ALK: variants seen among roughly 807,000 people sequenced by gnomAD.
ALK encodes ALK receptor tyrosine kinase, also known as ALK tyrosine kinase receptor.
ALK carries 74 observed loss-of-function variants against 163.1 expected under a neutral mutation model. That is an observed-to-expected ratio of 0.45 (90% CI 0.38 to 0.55). The LOEUF is 0.55. ALK is among the 20% of genes least tolerant of loss of function. ALK has a pLI of 0.00. For synonymous variants in ALK, 960 were observed against 843.2 expected (o/e 1.14, Z -2.40); for missense variants, 2,063 against 2,105.3 (o/e 0.98, Z 0.39).
intron 1 of ALK, among the ~76,000 whole-genome samples, chr2:29,852,743 T>G (rs986551329): frequency 3.3e-5 from 5 of 152,066 alleles, no homozygotes; most frequent in Non-Finnish European, 7.3e-5. Context: ...TATTTGGAAG[T>G]GAGACCTTTG....
At chr2:29,198,136 A>AT (rs1332958329) in intron 26 of ALK, among the ~76,000 whole-genome samples, 1 of 152,140 alleles carries the variant, frequency 6.6e-6, no homozygotes, top group Non-Finnish European at 1.5e-5. Flanking sequence ...ATCTTTGTGC[A>AT]TTTTTTAAAA....
intron 5 of ALK, among the ~76,000 whole-genome samples, chr2:29,361,182 G>T (rs1668380362): frequency 6.6e-6 from 1 of 152,242 alleles, no homozygotes; most frequent in Admixed American, 6.5e-5. Flanking sequence ...GTGCTATTAG[G>T]AGTGGTGACA....
At chr2:29,514,408 C>A (rs987787812) in intron 4 of ALK, among the ~76,000 whole-genome samples, 2 of 151,656 alleles carry the variant, frequency 1.3e-5, no homozygotes. Flanking sequence ...GAACAAAAAA[C>A]CAAACACCGC....
chr2:29,788,404 G>C (rs1664098577), intron 1 of ALK, among the ~76,000 whole-genome samples: 1 of 152,192 alleles, frequency 6.6e-6, no homozygotes, highest in Non-Finnish European at 1.5e-5. Context: ...GATCCCAACA[G>C]CCTGCTGTGG....
intron 1 of ALK, among the ~76,000 whole-genome samples, chr2:29,764,216 G>A (rs1680794143): frequency 6.6e-6 from 1 of 152,174 alleles, no homozygotes; most frequent in African/African-American, 2.4e-5. Context: ...GCCCTGGGTT[G>A]ACTGCAGGGC....
At chr2:29,220,357 C>G (rs1669767788) in intron 23 of ALK, among the ~76,000 whole-genome samples, 1 of 152,164 alleles carries the variant, frequency 6.6e-6, no homozygotes, top group South Asian at 2.1e-4. Context: ...TTCCTGAGGC[C>G]TCCCCAACCA....
chr2:29,568,874 C>T (rs1204774173), intron 3 of ALK, among the ~76,000 whole-genome samples: 2 of 152,130 alleles, frequency 1.3e-5, no homozygotes, highest in African/African-American at 4.8e-5. Context: ...TGGGCAATGA[C>T]AGCACTTTGA....
intron 4 of ALK, among the ~76,000 whole-genome samples, chr2:29,416,237 C>T (rs1354381532): frequency 6.6e-6 from 1 of 152,216 alleles, no homozygotes; most frequent in Non-Finnish European, 1.5e-5. Flanking sequence ...GTTGGATGGG[C>T]ACAGAGACAT....
intron 1 of ALK, among the ~76,000 whole-genome samples, chr2:29,809,875 C>G (rs1020213177): frequency 9.2e-5 from 14 of 152,216 alleles, no homozygotes; most frequent in African/African-American, 3.4e-4. Context: ...ACTTGTCTAT[C>G]TGTAACCAGT....
chr2:29,249,531 C>G (rs1301718679), intron 12 of ALK, among the ~76,000 whole-genome samples: 1 of 152,128 alleles, frequency 6.6e-6, no homozygotes, highest in Non-Finnish European at 1.5e-5. Context: ...TTAGTAGAAA[C>G]AACACAGACT....
chr2:29,741,899 G>A (rs1680071153), intron 1 of ALK, among the ~76,000 whole-genome samples: 1 of 152,182 alleles, frequency 6.6e-6, no homozygotes, highest in Non-Finnish European at 1.5e-5. Flanking sequence ...AAGAGGAGCT[G>A]GGGAGAGAGA....
At chr2:29,471,057 T>C (rs1025739216) in intron 4 of ALK, among the ~76,000 whole-genome samples, 2 of 152,112 alleles carry the variant, frequency 1.3e-5, no homozygotes, top group African/African-American at 4.8e-5. Context: ...AATATATAAC[T>C]ATATTTTAAT....
chr2:29,898,595 T>C (rs1667331682), intron 1 of ALK, among the ~76,000 whole-genome samples: 3 of 152,212 alleles, frequency 2.0e-5, no homozygotes, highest in African/African-American at 7.2e-5. Context: ...TTAACATCAA[T>C]AATGAGTGCT....
intron 1 of ALK, among the ~76,000 whole-genome samples, chr2:29,858,612 G>A (rs937253914): frequency 4.9e-4 from 74 of 151,884 alleles, no homozygotes; most frequent in Middle Eastern, 3.4e-3. Context: ...TCGTGGTGGC[G>A]CACACCTGTA....
At chr2:29,505,996 T>C (rs1461847441) in intron 4 of ALK, among the ~76,000 whole-genome samples, 1 of 152,150 alleles carries the variant, frequency 6.6e-6, no homozygotes. Flanking sequence ...GATTTGCGGC[T>C]AGCTCTTCCA....
At chr2:29,340,471 A>T (rs1667756639) in intron 5 of ALK, among the ~76,000 whole-genome samples, 1 of 152,228 alleles carries the variant, frequency 6.6e-6, no homozygotes. Flanking sequence ...TCTTAAAGCT[A>T]CGCAGGAGGT....
chr2:29,733,739 T>C (rs759640470), intron 1 of ALK, among the ~76,000 whole-genome samples: 34 of 152,156 alleles, frequency 2.2e-4, no homozygotes, highest in Non-Finnish European at 4.1e-4. Context: ...GGAAGAGTCA[T>C]GTGATCCCTA....
intron 4 of ALK, among the ~76,000 whole-genome samples, chr2:29,404,904 C>G (rs1236554086): frequency 1.3e-5 from 2 of 152,134 alleles, no homozygotes; most frequent in African/African-American, 4.8e-5. Context: ...CACCCAGCCC[C>G]AAGGAGGAGG....
chr2:29,216,675 G>C (rs1558618823), intron 23 of ALK, among the ~76,000 whole-genome samples: 1 of 27,954 alleles, frequency 3.6e-5, no homozygotes, highest in Non-Finnish European at 3.2e-4. Flanking sequence ...TTGTGTATGT[G>C]TTGTGTATAT....
Sources: allele counts gnomAD v4.1 joint callset (sites outside exome capture counted in the v4.1 genomes callset), GRCh38; gene constraint gnomAD v4.1.1; transcripts MANE v1.5; gene names NCBI Gene and HGNC (gene_info 2026-07-23, HGNC 2026-07-21).